The following KLF12 variants were observed in gnomAD, a reference collection of about 807,000 sequenced individuals.
The protein encoded by KLF12 is Krueppel-like factor 12.
A neutral mutation model predicts 37.8 loss-of-function variants in KLF12; 9 were observed. That is an observed-to-expected ratio of 0.24 (90% CI 0.14 to 0.42). The LOEUF (loss-of-function observed/expected upper bound fraction) is 0.42. Ranked by LOEUF, KLF12 falls within the 10% of genes least tolerant of loss-of-function variation. The pLI is 1.00. For synonymous variants in KLF12, 208 were observed against 202.1 expected (o/e 1.03, Z -0.25); for missense variants, 411 against 516.0 (o/e 0.80, Z 1.97).
intron 5 of KLF12, among the ~76,000 whole-genome samples, chr13:73,779,835 T>C (rs1345547741): frequency 6.6e-6 from 1 of 152,190 alleles, no homozygotes; most frequent in Non-Finnish European, 1.5e-5. Flanking sequence ...CATCAGGGAA[T>C]TGGAGAATAC....
chr13:74,261,802 A>C, the KLF12 span, among the ~76,000 whole-genome samples: 2 of 152,228 alleles, frequency 1.3e-5, no homozygotes, highest in Non-Finnish European at 1.5e-5. Flanking sequence ...TTCTGAAAAA[A>C]TATGCACATG....
chr13:74,003,279 G>C (rs1348240915), intron 1 of KLF12, among the ~76,000 whole-genome samples: 1 of 152,156 alleles, frequency 6.6e-6, no homozygotes, highest in African/African-American at 2.4e-5. Context: ...ACATTTCAGG[G>C]AAAAGAGATG....
intron 3 of KLF12, among the ~76,000 whole-genome samples, chr13:73,877,940 G>A (rs566586577): frequency 5.5e-4 from 84 of 152,002 alleles, no homozygotes; most frequent in Middle Eastern, 3.4e-3. Flanking sequence ...GGCCTGCCAC[G>A]ACTCTATCCT....
intron 2 of KLF12, among the ~76,000 whole-genome samples, chr13:73,982,604 C>T (rs903563417): frequency 2.0e-5 from 3 of 152,262 alleles, no homozygotes; most frequent in African/African-American, 7.2e-5. Context: ...TGGGTTATCA[C>T]AAATGTGTAG....
chr13:73,734,741 C>T (rs182196268), intron 6 of KLF12, among the ~76,000 whole-genome samples: 14 of 152,160 alleles, frequency 9.2e-5, no homozygotes, highest in Admixed American at 9.2e-4. Context: ...CTGCACTGTG[C>T]TATGAAGTTA....
chr13:73,714,456 G>A (rs1176889350), intron 7 of KLF12, among the ~76,000 whole-genome samples: 1 of 152,234 alleles, frequency 6.6e-6, no homozygotes, highest in Non-Finnish European at 1.5e-5. Flanking sequence ...AGTGGCAGAT[G>A]CTGTCAAGGA....
chr13:74,258,169 G>T, the KLF12 span: 1 of 90,670 alleles, frequency 1.1e-5, no homozygotes, highest in Non-Finnish European at 1.9e-5. Context: ...GTTTGTGTGT[G>T]TGTGTGTGTG....
At chr13:74,072,062 C>A (rs1874285869) in intron 1 of KLF12, among the ~76,000 whole-genome samples, 1 of 151,860 alleles carries the variant, frequency 6.6e-6, no homozygotes, top group Non-Finnish European at 1.5e-5. Context: ...TCCTTATGAA[C>A]CTCCAAGTTC....
intron 1 of KLF12, among the ~76,000 whole-genome samples, chr13:74,047,865 G>C (rs1893587585): frequency 6.6e-6 from 1 of 152,164 alleles, no homozygotes. Flanking sequence ...ATTAGGTTTG[G>C]CTGCAAGTGT....
chr13:74,089,267 G>A (rs1373296734), intron 1 of KLF12, among the ~76,000 whole-genome samples: 1 of 152,058 alleles, frequency 6.6e-6, no homozygotes, highest in Non-Finnish European at 1.5e-5. Context: ...ACAGGCTCAG[G>A]TTCATGAATA....
the KLF12 span, among the ~76,000 whole-genome samples, chr13:74,256,688 TTGTGTGTGTGTGTG>T: frequency 6.8e-6 from 1 of 147,902 alleles, no homozygotes; most frequent in African/African-American, 2.5e-5. Context: ...TGAGTAGAGC[TTGTGTGTGTGTGTG>T]TGTGTGTGTG....
chr13:73,719,837 C>T (rs1049944427), intron 6 of KLF12, among the ~76,000 whole-genome samples: 5 of 151,936 alleles, frequency 3.3e-5, no homozygotes, highest in African/African-American at 7.3e-5. Flanking sequence ...CCTGGCTTCA[C>T]GTGATCCTGC....
intron 5 of KLF12, among the ~76,000 whole-genome samples, chr13:73,766,829 AAG>A (rs1372068980): frequency 1.3e-5 from 2 of 152,182 alleles, no homozygotes; most frequent in East Asian, 1.9e-4. Context: ...AGTGAAGAAA[AAG>A]AGAGTCTGTT....
At chr13:74,075,608 T>C (rs1874517479) in intron 1 of KLF12, among the ~76,000 whole-genome samples, 2 of 152,222 alleles carry the variant, frequency 1.3e-5, no homozygotes, top group South Asian at 4.1e-4. Flanking sequence ...TTTCTGCCTA[T>C]ATTCCACTGT....
rs894627889 is a variant in KLF12, at chr13:73,845,801, A to T, written c.670+26T>A. On this transcript the variant is annotated intron_variant, in intron 4 of 7. Coordinates refer to ENST00000377669, the MANE Select transcript of KLF12 (RefSeq NM_007249.5). Reference sequence around the variant, plus strand: ...TGAAGTCACCTCTAGTGCTGAAATAAATCAAGGCTTGTTTATGTCTCTTAC... The same window carrying T: ...TGAAGTCACCTCTAGTGCTGAAATATATCAAGGCTTGTTTATGTCTCTTAC... 3 of 1,594,348 alleles carry T rather than the reference A, an allele frequency of 1.9e-6. No individual in the cohort carries two copies. In the African/African-American group the frequency reaches 4.0e-5, roughly 21 times the overall value.
chr13:74,120,731 G>A (rs1877580450), intron 1 of KLF12, among the ~76,000 whole-genome samples: 2 of 151,772 alleles, frequency 1.3e-5, no homozygotes, highest in South Asian at 2.1e-4. Flanking sequence ...AATATATGAA[G>A]AAAATAGCAC....
At chr13:73,919,891 T>C (rs576303907) in intron 3 of KLF12, among the ~76,000 whole-genome samples, 3 of 152,340 alleles carry the variant, frequency 2.0e-5, no homozygotes, top group African/African-American at 7.2e-5. Context: ...TCGAAGCTTA[T>C]TGCTACTATT....
chr13:74,063,705 A>AT (rs959838906), intron 1 of KLF12, among the ~76,000 whole-genome samples: 12 of 152,214 alleles, frequency 7.9e-5, no homozygotes, highest in African/African-American at 2.4e-4. Flanking sequence ...TAGATTTGAA[A>AT]TTTTTTTTAC....
At chr13:73,865,196 GT>G (rs1411849379) in intron 3 of KLF12, among the ~76,000 whole-genome samples, 110 of 152,200 alleles carry the variant, frequency 7.2e-4, no homozygotes, top group African/African-American at 2.5e-3. Context: ...TATCTCAGTA[GT>G]GAGCTGTATA....
Sources: allele counts gnomAD v4.1 joint callset (sites outside exome capture counted in the v4.1 genomes callset), GRCh38; gene constraint gnomAD v4.1.1; transcripts MANE v1.5; gene names NCBI Gene and HGNC (gene_info 2026-07-23, HGNC 2026-07-21).